Variants in RGL1 observed in about 807,000 individuals in gnomAD.
RGL1 encodes ral guanine nucleotide dissociation stimulator like 1.
In RGL1, 24 loss-of-function variants were observed where a neutral mutation model predicts 95.2. The ratio of observed to expected loss-of-function variants is 0.25; its 90% confidence interval spans 0.18 to 0.35. The LOEUF is 0.35. Among genes scored for constraint, RGL1 ranks in the 10% least tolerant of loss-of-function variants. The probability of loss-of-function intolerance (pLI) is 1.00; values close to 1 mark genes in which losing one functional copy is unlikely to be tolerated. For missense variants in RGL1, 715 were observed against 936.3 expected, an observed-to-expected ratio of 0.76 and a Z score of 3.08; for synonymous variants, 329 against 344.9, an observed-to-expected ratio of 0.95 and a Z score of 0.51.
chr1:183,762,164 A>G (rs1658700878), intron 2 of RGL1, among the ~76,000 whole-genome samples: 1 of 152,224 alleles, frequency 6.6e-6, no homozygotes. Context: ...TTTCCTTTGC[A>G]TTAACAGCTT....
Position 183,711,135 on chromosome 1 carries a change from C to G in RGL1, c.-32-30991C>G, listed in dbSNP as rs563846921. On this transcript the variant is annotated intron_variant, in intron 1 of 18. Transcript: ENST00000304685. ...TTAGGCCGGGTCACACACGATGTCT[C>G]AAGGCTGGGTTACCCTTTGCAGTGT... Among the ~76,000 whole-genome samples, 5 of 152,286 alleles carry G rather than the reference C, an allele frequency of 3.3e-5. No homozygotes were observed. In the East Asian group the frequency reaches 7.7e-4, roughly 24 times the overall value.
At chr1:183,839,016 T>G (rs1663854975) in intron 2 of RGL1, among the ~76,000 whole-genome samples, 1 of 152,178 alleles carries the variant, frequency 6.6e-6, no homozygotes, top group African/African-American at 2.4e-5. Flanking sequence ...AGCACATATG[T>G]GAATCTGGTG....
intron 1 of RGL1, among the ~76,000 whole-genome samples, chr1:183,711,509 A>G (rs983410354): frequency 6.6e-6 from 1 of 152,142 alleles, no homozygotes; most frequent in African/African-American, 2.4e-5. Context: ...GAGGAGTGAA[A>G]TACTATAGCC....
chr1:183,738,437 A>C (rs563970015), intron 1 of RGL1, among the ~76,000 whole-genome samples: 2 of 152,242 alleles, frequency 1.3e-5, no homozygotes, highest in South Asian at 4.1e-4. Context: ...AAAAGAAAGA[A>C]AAAGAAAGAA....
chr1:183,706,800 G>T (rs1654943053), intron 1 of RGL1, among the ~76,000 whole-genome samples: 1 of 152,198 alleles, frequency 6.6e-6, no homozygotes, highest in Admixed American at 6.5e-5. Context: ...CATCACGATT[G>T]TTAAGGACTT....
At chr1:183,842,066 G>C (rs1284418297) in intron 2 of RGL1, among the ~76,000 whole-genome samples, 1 of 152,182 alleles carries the variant, frequency 6.6e-6, no homozygotes, top group African/African-American at 2.4e-5. Context: ...TAGGGCATAT[G>C]AAAAGGAAGC....
intron 4 of RGL1, among the ~76,000 whole-genome samples, chr1:183,870,763 T>C (rs901836137): frequency 6.6e-6 from 1 of 152,198 alleles, no homozygotes; most frequent in Admixed American, 6.5e-5. Flanking sequence ...AGTGAAACTG[T>C]CTTTATGAAT....
chr1:183,676,984 A>G (rs1050622523), intron 1 of RGL1, among the ~76,000 whole-genome samples: 3 of 151,784 alleles, frequency 2.0e-5, no homozygotes, highest in Non-Finnish European at 2.9e-5. Context: ...TTTTAAAGCA[A>G]TATCAGCAAA....
intron 1 of RGL1, among the ~76,000 whole-genome samples, chr1:183,649,285 A>G (rs1432642276): frequency 6.6e-6 from 1 of 152,288 alleles, no homozygotes; most frequent in Non-Finnish European, 1.5e-5. Context: ...GTAAGGACTC[A>G]GTAAATATTA....
chr1:183,637,952 G>T (rs927456065), intron 1 of RGL1, among the ~76,000 whole-genome samples: 1 of 152,032 alleles, frequency 6.6e-6, no homozygotes, highest in Non-Finnish European at 1.5e-5. Flanking sequence ...ATGCTAATCA[G>T]TATACTTTAG....
chr1:183,902,557 A>G lies in RGL1; in HGVS notation c.1318-11A>G. 6.2e-7 allele frequency: 1 copy of G among 1,604,966 alleles called. No individual in the cohort carries two copies. The highest frequency in any genetic ancestry group is 2.2e-5 in the East Asian group (1 of 44,694). On this transcript the variant is annotated splice_polypyrimidine_tract_variant and intron_variant, in intron 11 of 17. Coordinates refer to ENST00000360851, the MANE Select transcript of RGL1 (RefSeq NM_001297671.3). Reference sequence around the variant, plus strand: ...TTGGTTGCTCACTCTTTTTATTAAAATTTCTTTTAGGGTGGACTGATAAAC... The same window carrying G: ...TTGGTTGCTCACTCTTTTTATTAAAGTTTCTTTTAGGGTGGACTGATAAAC...
intron 12 of RGL1, 145 bp from the exon 13 acceptor site, chr1:183,904,705 G>T: frequency 1.3e-6 from 1 of 781,252 alleles, no homozygotes; most frequent in East Asian, 3.1e-5. Flanking sequence ...TTATTTTTAA[G>T]GAAGCAGTAT....
chr1:183,785,688 G>T (rs1188927066), intron 2 of RGL1, among the ~76,000 whole-genome samples: 3 of 152,178 alleles, frequency 2.0e-5, no homozygotes, highest in African/African-American at 7.2e-5. Flanking sequence ...CCAGCATAGT[G>T]GCATTGGGAA....
At chr1:183,840,612 T>C (rs1215316012) in intron 2 of RGL1, among the ~76,000 whole-genome samples, 3 of 151,930 alleles carry the variant, frequency 2.0e-5, no homozygotes, top group Non-Finnish European at 4.4e-5. Flanking sequence ...CCTGTAATGC[T>C]AGCACTTTGA....
chr1:183,783,742 G>A (rs1283344482), intron 2 of RGL1, among the ~76,000 whole-genome samples: 2 of 152,144 alleles, frequency 1.3e-5, no homozygotes, highest in Non-Finnish European at 2.9e-5. Context: ...ATCTATAATG[G>A]AAACCCAGCT....
At chr1:183,747,762 C>T (rs377207776) in intron 2 of RGL1, among the ~76,000 whole-genome samples, 60 of 152,190 alleles carry the variant, frequency 3.9e-4, no homozygotes, top group African/African-American at 1.4e-3. Context: ...ATTTTCACAT[C>T]GATGTTCATC....
At position 183,926,992 on chromosome 1, in the gene RGL1, C is replaced by T. The variant is rs1262922464; in HGVS notation, c.*700C>T. The T allele has an allele frequency of 6.6e-6, 1 of 152,606 alleles. No individual in the cohort carries two copies. Among genetic ancestry groups the T allele is most frequent in the Non-Finnish European group, 1.5e-5 (1 of 68,050 alleles). The allele number at this position is 152,606 out of a possible 1,614,324, so 9.5% of individuals were successfully genotyped here. A position where few individuals can be genotyped will look rare whatever the true frequency, so the allele number is the denominator to read the frequency against. On this transcript the variant is annotated 3_prime_UTR_variant, in exon 18 of 18. Coordinates refer to ENST00000360851, the MANE Select transcript of RGL1 (RefSeq NM_001297671.3). ...AGGAGGAGCTTCGGAGGACCATCGCCCCACTGGTCTAGCCATCATGACACC... is the reference window on the plus strand; with the variant it reads ...AGGAGGAGCTTCGGAGGACCATCGCTCCACTGGTCTAGCCATCATGACACC...
chr1:183,774,988 A>C (rs1017282417), intron 2 of RGL1, among the ~76,000 whole-genome samples: 1 of 152,132 alleles, frequency 6.6e-6, no homozygotes, highest in South Asian at 2.1e-4. Flanking sequence ...CAGGCCCTTC[A>C]TTCATTATGA....
At chr1:183,725,708 T>C (rs1656274602) in intron 1 of RGL1, among the ~76,000 whole-genome samples, 1 of 152,202 alleles carries the variant, frequency 6.6e-6, no homozygotes, top group Non-Finnish European at 1.5e-5. Context: ...GATAAAAAGA[T>C]AAATCTACAA....
Sources: gnomAD v4.1 joint callset for allele counts (sites outside exome capture counted in the v4.1 genomes callset) on GRCh38, gnomAD v4.1.1 for gene constraint, MANE v1.5 for transcripts, NCBI Gene and HGNC (gene_info 2026-07-23, HGNC 2026-07-21) for gene names.